The following VGLL3 variants were observed in gnomAD, a reference collection of about 807,000 sequenced individuals.
VGLL3 encodes the protein vestigial like family member 3, also known as transcription cofactor vestigial-like protein 3.
Under a neutral mutation model 29.2 loss-of-function variants are expected in VGLL3, and 18 were observed. That is an observed-to-expected ratio of 0.62 (90% CI 0.43 to 0.91). VGLL3 has a LOEUF of 0.91. Ranked by LOEUF, VGLL3 falls within the 40% of genes least tolerant of loss-of-function variation. The pLI, the probability that VGLL3 is intolerant of heterozygous loss-of-function variation, is 0.00. For missense variants in VGLL3, 440 were observed against 413.2 expected (o/e 1.06, Z -0.56); for synonymous variants, 180 against 151.8 (o/e 1.19, Z -1.36).
intron 1 of VGLL3, among the ~76,000 whole-genome samples, chr3:86,984,868 A>G (rs1705403895): frequency 6.6e-6 from 1 of 152,220 alleles, no homozygotes; most frequent in Non-Finnish European, 1.5e-5. Flanking sequence ...TGATGGCATT[A>G]TAATCTCTAA....
chr3:86,976,101 C>A (rs1186659297), intron 2 of VGLL3, among the ~76,000 whole-genome samples: 2 of 151,714 alleles, frequency 1.3e-5, no homozygotes, highest in Non-Finnish European at 2.9e-5. Context: ...GTGACAAGAG[C>A]GAAACTCCAT....
In VGLL3 at chr3:86,991,111, C is replaced by A. The variant is rs559149176; in HGVS notation, c.-368G>T. ...TCACAGCCACAGCCCAGGCCCGGGTCGGGCAGCCGTGGGGAGCCCAGCTCC... is the reference window on the plus strand; with the variant it reads ...TCACAGCCACAGCCCAGGCCCGGGTAGGGCAGCCGTGGGGAGCCCAGCTCC... On this transcript the variant is annotated 5_prime_UTR_variant, in exon 1 of 4. Coordinates refer to ENST00000398399, the MANE Select transcript of VGLL3 (RefSeq NM_016206.4). 3.4e-3 allele frequency: 759 copies of A among 222,108 alleles called. 2 individuals are homozygous for A. Among genetic ancestry groups the A allele is most frequent in the Non-Finnish European group, 4.8e-3 (631 of 131,376 alleles). The allele number at this position is 222,108 out of a possible 1,614,324, so 13.8% of individuals were successfully genotyped here. A position where few individuals can be genotyped will look rare whatever the true frequency, so the allele number is the denominator to read the frequency against.
Position 86,946,700 on chromosome 3 carries a change from T to C in VGLL3, c.*324A>G. 1 of 214,362 alleles carries C rather than the reference T, an allele frequency of 4.7e-6. No homozygotes were observed. The highest frequency in any genetic ancestry group is 9.2e-6 in the Non-Finnish European group (1 of 108,842). The allele number at this position is 214,362 out of a possible 1,614,324, so 13.3% of individuals were successfully genotyped here. A position where few individuals can be genotyped will look rare whatever the true frequency, so the allele number is the denominator to read the frequency against. Reference sequence around the variant, plus strand: ...TTTTAATGTGTGGTTCATCCTTTCCTGACAAGGTGGTTGGCTAAAAAAAAA... The same window carrying C: ...TTTTAATGTGTGGTTCATCCTTTCCCGACAAGGTGGTTGGCTAAAAAAAAA... On this transcript the variant is annotated 3_prime_UTR_variant, in exon 4 of 4. Coordinates refer to ENST00000398399, the MANE Select transcript of VGLL3 (RefSeq NM_016206.4).
Position 86,944,137 on chromosome 3 carries a change from A to G in VGLL3, c.*2887T>C. 6.6e-6 allele frequency: 1 copy of G among 152,196 alleles called. No individual in the cohort carries two copies. Among genetic ancestry groups the G allele is most frequent in the East Asian group, 1.9e-4 (1 of 5,196 alleles). 9.4% of individuals were successfully genotyped at this position (152,196 alleles called of 1,614,324 possible). ...ATCCTCTTTTAGGACTTCTAACAGC[A>G]ATATGGTCCTAGAAGACAATTATAG... On this transcript the variant is annotated 3_prime_UTR_variant, in exon 4 of 4. Transcript: ENST00000398399.
In VGLL3 at chr3:86,950,720, C is replaced by T. The variant is rs549816445; in HGVS notation, c.938-3653G>A. 1.2e-3 allele frequency among the ~76,000 whole-genome samples: 190 copies of T among 152,244 alleles called. 4 individuals are homozygous for T. The highest frequency in any genetic ancestry group is 4.4e-3 in the African/African-American group (184 of 41,544). ...TAAATGATGGCATAGTAGTAGGTTACACTTTTGATGAAGACCACTTCAGTG... is the reference window on the plus strand; with the variant it reads ...TAAATGATGGCATAGTAGTAGGTTATACTTTTGATGAAGACCACTTCAGTG... On this transcript the variant is annotated intron_variant, in intron 3 of 3. Transcript: ENST00000398399.
chr3:86,949,062 T>C (rs1268269677), intron 3 of VGLL3, among the ~76,000 whole-genome samples: 1 of 152,256 alleles, frequency 6.6e-6, no homozygotes, highest in East Asian at 1.9e-4. Context: ...ATCTACAGAA[T>C]GTCAGCACTG....
rs1705303655 is a variant in VGLL3 at position 86,980,567 on chromosome 3, C to T, written c.127-1765G>A. Among the ~76,000 whole-genome samples, 3 of 152,012 alleles carry T rather than the reference C, an allele frequency of 2.0e-5. No homozygotes were observed. In the South Asian group the frequency reaches 6.2e-4, roughly 31 times the overall value. On this transcript the variant is annotated intron_variant, in intron 1 of 3. Transcript: ENST00000398399. ...TTATTTCTCATAATCTACCTCTGCA[C>T]AGATTTGAACATGTTTATATTTAAC...
At chr3:86,975,866 C>A in intron 2 of VGLL3, among the ~76,000 whole-genome samples, 1 of 152,126 alleles carries the variant, frequency 6.6e-6, no homozygotes, top group Non-Finnish European at 1.5e-5. Context: ...GCTCCGAGCA[C>A]TTTGGGAGGC....
At chr3:86,981,647 A>G (rs77924296) in intron 1 of VGLL3, among the ~76,000 whole-genome samples, 5 of 151,526 alleles carry the variant, frequency 3.3e-5, no homozygotes, top group African/African-American at 9.7e-5. Context: ...TTTTCTTTTT[A>G]TCTCTCTCGA....
In VGLL3 at chr3:86,940,504, T is replaced by C. The variant is rs958112318; in HGVS notation, c.*6520A>G. The C allele has an allele frequency of 1.2e-4, 19 of 152,598 alleles. No individual in the cohort carries two copies. Among genetic ancestry groups the C allele is most frequent in the Non-Finnish European group, 8.8e-5 (6 of 68,000 alleles). 9.5% of individuals were successfully genotyped at this position (152,598 alleles called of 1,614,324 possible). ...CCCTAGAAATTAACTTCTTAATTAA[T>C]AACACCTAAGATGTTGTAATTTCCA... On this transcript the variant is annotated 3_prime_UTR_variant, in exon 4 of 4. Coordinates refer to ENST00000398399, the MANE Select transcript of VGLL3 (RefSeq NM_016206.4).
chr3:86,970,481 A>ACG (rs1330086153), intron 2 of VGLL3, among the ~76,000 whole-genome samples: 10 of 118,450 alleles, frequency 8.4e-5, no homozygotes, highest in Middle Eastern at 4.2e-3. Context: ...TATTACACAC[A>ACG]CGCACACACA....
chr3:86,970,910 A>G (rs1189153840), intron 2 of VGLL3, among the ~76,000 whole-genome samples: 1 of 152,234 alleles, frequency 6.6e-6, no homozygotes, highest in Non-Finnish European at 1.5e-5. Flanking sequence ...AAAATGAAGT[A>G]TTTGAACTCA....
intron 3 of VGLL3, among the ~76,000 whole-genome samples, chr3:86,964,881 C>T (rs761189342): frequency 5.9e-5 from 9 of 152,000 alleles, no homozygotes; most frequent in East Asian, 1.9e-4. Context: ...GTTTTTAGGC[C>T]GGCGCAAGTG....
chr3:86,947,120 C>T (rs1343270706), intron 3 of VGLL3, 53 bp from the exon 4 acceptor site: 1 of 775,982 alleles, frequency 1.3e-6, no homozygotes, highest in East Asian at 2.4e-5. Context: ...CATATGGTAC[C>T]AAAAATAAGC....
In VGLL3 at chr3:86,946,261, A is replaced by G. The variant is rs1704504132; in HGVS notation, c.*763T>C. 6.6e-6 allele frequency: 1 copy of G among 152,158 alleles called. No homozygotes were observed. The highest frequency in any genetic ancestry group is 1.5e-5 in the Non-Finnish European group (1 of 68,020). The allele number at this position is 152,158 out of a possible 1,614,324, so 9.4% of individuals were successfully genotyped here. ...TTGGGAGAAATCAAAGCAATAAAAT[A>G]TCATTTCTTTAGCACAGTCATTAAA... On this transcript the variant is annotated 3_prime_UTR_variant, in exon 4 of 4. Coordinates refer to ENST00000398399, the MANE Select transcript of VGLL3 (RefSeq NM_016206.4).
intron 2 of VGLL3, 152 bp from the exon 3 acceptor site, chr3:86,969,275 T>C (rs1238644304): frequency 9.0e-6 from 9 of 1,002,482 alleles, no homozygotes; most frequent in Non-Finnish European, 1.1e-5. Flanking sequence ...GGTGAATTGA[T>C]ACCAGGTTGG....
chr3:86,951,605 C>T (rs1180318428), intron 3 of VGLL3, among the ~76,000 whole-genome samples: 1 of 152,150 alleles, frequency 6.6e-6, no homozygotes, highest in Non-Finnish European at 1.5e-5. Flanking sequence ...GAGGCAGCAG[C>T]TTCACAGATC....
chr3:86,985,263 A>T (rs181931776), intron 1 of VGLL3, among the ~76,000 whole-genome samples: 4 of 152,312 alleles, frequency 2.6e-5, no homozygotes, highest in African/African-American at 9.6e-5. Context: ...TTATTTTCAG[A>T]CATGGGTCAT....
chr3:86,958,804 A>G (rs979533491), intron 3 of VGLL3, among the ~76,000 whole-genome samples: 1 of 152,122 alleles, frequency 6.6e-6, no homozygotes, highest in African/African-American at 2.4e-5. Context: ...TGGTCATGAA[A>G]TTGTCATTCT....
Sources: allele counts gnomAD v4.1 joint callset (sites outside exome capture counted in the v4.1 genomes callset), GRCh38; gene constraint gnomAD v4.1.1; transcripts MANE v1.5; gene names NCBI Gene and HGNC (gene_info 2026-07-23, HGNC 2026-07-21).